KCNT1: variants seen among roughly 807,000 people sequenced by gnomAD.
KCNT1 encodes the protein potassium sodium-activated channel subfamily T member 1, also known as potassium channel subfamily T member 1.
In KCNT1, 78 loss-of-function variants were observed where a neutral mutation model predicts 147.8. The ratio of observed to expected loss-of-function variants is 0.53; its 90% CI spans 0.44 to 0.64. KCNT1 has a LOEUF of 0.64. Among genes scored for constraint, KCNT1 ranks in the 30% least tolerant of loss-of-function variants. The pLI is 0.00. For missense variants in KCNT1, 1,419 were observed against 1,750.3 expected (o/e 0.81, Z 3.38); for synonymous variants, 867 against 748.8 (o/e 1.16, Z -2.58).
At chr9:135,756,264 T>C (rs1303035978) in intron 6 of KCNT1, among the ~76,000 whole-genome samples, 1 of 152,120 alleles carries the variant, frequency 6.6e-6, no homozygotes, top group East Asian at 1.9e-4. Flanking sequence ...CAGGGATCCC[T>C]GAGGACTTCC....
chr9:135,763,373 G>A (rs1166931018), intron 11 of KCNT1, among the ~76,000 whole-genome samples: 5 of 152,212 alleles, frequency 3.3e-5, no homozygotes, highest in Admixed American at 1.3e-4. Context: ...CGAGGCCCTC[G>A]CTCACGAGCG....
Position 135,784,524 on chromosome 9 carries a change from T to G in KCNT1, c.2944-11T>G. The G allele has an allele frequency of 7.4e-6, 2 of 271,010 alleles. No homozygotes were observed. The highest frequency in any genetic ancestry group is 1.3e-5 in the Non-Finnish European group (2 of 156,608). 16.8% of individuals were successfully genotyped at this position (271,010 alleles called of 1,614,324 possible). A position where few individuals can be genotyped will look rare whatever the true frequency, so the allele number is the denominator to read the frequency against. On this transcript the variant is annotated splice_polypyrimidine_tract_variant and intron_variant, in intron 25 of 30. Transcript: ENST00000371757. ...CTCCCTCCCTCCCTCCCTCCCTCCC[T>G]CCCTGGCCAGTCCTTCGTGAAGGAC...
At chr9:135,760,181 C>T (rs1831821172) in intron 11 of KCNT1, among the ~76,000 whole-genome samples, 1 of 152,196 alleles carries the variant, frequency 6.6e-6, no homozygotes, top group African/African-American at 2.4e-5. Flanking sequence ...AGGTGGACAG[C>T]CGGCCCATTT....
intron 29 of KCNT1, chr9:135,789,404 G>C (rs376132075): frequency 6.6e-6 from 1 of 152,338 alleles, no homozygotes; most frequent in Non-Finnish European, 1.5e-5. Context: ...CACCCTTTGC[G>C]GGGAGGGCGG....
chr9:135,785,818 C>G lies in KCNT1; in HGVS notation c.3178-379C>G, dbSNP rs541389890. Reference sequence around the variant, plus strand: ...TCATCTGCAGATGGAGAAATTGACACGCAGAGGGGGTGACCTCTCAGGGCA... The same window carrying G: ...TCATCTGCAGATGGAGAAATTGACAGGCAGAGGGGGTGACCTCTCAGGGCA... On this transcript the variant is annotated intron_variant, in intron 28 of 30. Coordinates refer to ENST00000371757, the MANE Select transcript of KCNT1 (RefSeq NM_020822.3). The G allele has an allele frequency of 2.6e-5, 11 of 417,160 alleles. No individual in the cohort carries two copies. The Admixed American group carries it at 4.7e-4, about 18-fold the overall frequency. The allele number at this position is 417,160 out of a possible 1,614,324, so 25.8% of individuals were successfully genotyped here.
At chr9:135,759,415 C>T (rs920055845) in intron 10 of KCNT1, among the ~76,000 whole-genome samples, 18 of 152,308 alleles carry the variant, frequency 1.2e-4, no homozygotes, top group East Asian at 1.2e-3. Flanking sequence ...CCGGGGAATT[C>T]GCCGTGAACA....
chr9:135,723,202 G>A (rs913805021), intron 2 of KCNT1, among the ~76,000 whole-genome samples: 2 of 152,230 alleles, frequency 1.3e-5, no homozygotes, highest in Non-Finnish European at 2.9e-5. Context: ...GGGCTGCAGA[G>A]CTCGCCTGCA....
chr9:135,782,942 G>A (rs1833718799), intron 24 of KCNT1, among the ~76,000 whole-genome samples: 1 of 152,200 alleles, frequency 6.6e-6, no homozygotes, highest in Non-Finnish European at 1.5e-5. Context: ...ATGAGTAAGG[G>A]CGAACCCGGA....
chr9:135,771,599 G>A lies in KCNT1; in HGVS notation c.2008+504G>A, dbSNP rs142685311. On this transcript the variant is annotated intron_variant, in intron 18 of 30. Coordinates refer to ENST00000371757, the MANE Select transcript of KCNT1 (RefSeq NM_020822.3). ...CCCTCAAACAGTCGGGAGTCCTGAC[G>A]TCCACTGGGGCCAGGAGTTGGCGGA... 5.3e-5 allele frequency among the ~76,000 whole-genome samples: 8 copies of A among 152,320 alleles called. No homozygotes were observed. In the East Asian group the frequency reaches 1.4e-3, roughly 26 times the overall value.
rs1339001888 is a variant in KCNT1 at position 135,792,095 on chromosome 9, G to A, written c.3642G>A (p.Arg1214=). The change falls in exon 31 of 31, where the codon CGG becomes CGA. Residue 1214 remains arginine, a synonymous_variant. Coordinates refer to ENST00000371757, the MANE Select transcript of KCNT1 (RefSeq NM_020822.3). The part of the protein sequence containing the change: ...LAHVASSSQS[R]KSSCSHKLSS... ...ACGTGGCCAGCAGCTCCCAGAGCCG[G>A]AAGAGCAGCTGCAGCCACAAGCTGT... is the stretch of plus-strand genomic sequence containing the variant. 1 of 1,604,374 alleles carries A rather than the reference G, an allele frequency of 6.2e-7. No homozygotes were observed. Among genetic ancestry groups the A allele is most frequent in the South Asian group, 1.1e-5 (1 of 90,844 alleles).
chr9:135,741,419 C>T (rs369470636), intron 2 of KCNT1, among the ~76,000 whole-genome samples: 19 of 152,360 alleles, frequency 1.2e-4, no homozygotes, highest in African/African-American at 3.8e-4. Context: ...GCCTCTGACA[C>T]GGCTGTTGCC....
At chr9:135,750,561 G>A (rs892269172) in intron 3 of KCNT1, 17 of 179,718 alleles carry the variant, frequency 9.5e-5, no homozygotes, top group South Asian at 2.2e-4. Context: ...TCCCTGCCCC[G>A]TTCCCAGCCA....
intron 17 of KCNT1, among the ~76,000 whole-genome samples, 167 bp from the exon 18 acceptor site, chr9:135,770,690 C>T (rs1327517924): frequency 1.3e-5 from 2 of 152,228 alleles, no homozygotes; most frequent in Non-Finnish European, 2.9e-5. Flanking sequence ...TGGTCCCCAA[C>T]ACCTCTGGGA....
intron 3 of KCNT1, 88 bp downstream of exon 3, chr9:135,750,265 G>T: frequency 3.6e-6 from 4 of 1,096,070 alleles, no homozygotes; most frequent in Non-Finnish European, 5.5e-6. Context: ...GGCTGGGGCT[G>T]TGAGCTCAGG....
At chr9:135,778,288 C>T (rs1833326327) in intron 21 of KCNT1, 136 bp from the exon 22 acceptor site, 1 of 722,312 alleles carries the variant, frequency 1.4e-6, no homozygotes, top group Non-Finnish European at 2.3e-6. Context: ...TAAAGTACTC[C>T]CCAGGTCCCA....
At chr9:135,747,251 C>T (rs1010137919) in intron 2 of KCNT1, among the ~76,000 whole-genome samples, 4 of 150,748 alleles carry the variant, frequency 2.7e-5, no homozygotes, top group Non-Finnish European at 4.4e-5. Context: ...GGCTCCCTGC[C>T]GGAGAGGAGA....
chr9:135,764,890 C>G (rs563487422), intron 11 of KCNT1, 141 bp from the exon 12 acceptor site: 204 of 749,236 alleles, frequency 2.7e-4, no homozygotes, highest in African/African-American at 2.1e-3. Flanking sequence ...TGGGAAAGGC[C>G]CCCCTAATGT....
In KCNT1 at chr9:135,764,506, G is replaced by A. The variant is rs150200428; in HGVS notation, c.1036-525G>A. Among the ~76,000 whole-genome samples the A allele has an allele frequency of 3.0e-3, 461 of 152,268 alleles. 3 individuals carry two copies. The highest frequency in any genetic ancestry group is 9.9e-3 in the African/African-American group (413 of 41,562). ...CTTTCACCTAGAGGCCAGTGGGGCC[G>A]GTGCTGGGAGGCCCCGGTGGCCTCT... On this transcript the variant is annotated intron_variant, in intron 11 of 30. Transcript: ENST00000371757.
rs1195579823 is a variant in KCNT1, at chr9:135,775,489, C to A, written c.2349+74C>A. 1.3e-5 allele frequency: 15 copies of A among 1,119,922 alleles called. No individual in the cohort carries two copies. In the South Asian group the frequency reaches 1.8e-4, roughly 13 times the overall value. 69.4% of individuals were successfully genotyped at this position (1,119,922 alleles called of 1,614,324 possible). A position where few individuals can be genotyped will look rare whatever the true frequency, so the allele number is the denominator to read the frequency against. On this transcript the variant is annotated intron_variant, in intron 20 of 30. Coordinates refer to ENST00000371757, the MANE Select transcript of KCNT1 (RefSeq NM_020822.3). ...GGGCCGTGCATACCTGCCCTGGTTT[C>A]TCTTTGGTCACTTTACATTTCGATA...
Sources: gnomAD v4.1 joint callset for allele counts (sites outside exome capture counted in the v4.1 genomes callset) on GRCh38, gnomAD v4.1.1 for gene constraint, MANE v1.5 for transcripts, NCBI Gene and HGNC (gene_info 2026-07-23, HGNC 2026-07-21) for gene names.